The following ANO3 variants were observed in gnomAD, a reference collection of about 807,000 sequenced individuals.
ANO3 encodes the protein anoctamin-3.
ANO3 carries 99 observed loss-of-function variants against 144.8 expected under a neutral mutation model. The ratio of observed to expected loss-of-function variants is 0.68; its 90% CI spans 0.58 to 0.81. The LOEUF is 0.81. Among genes scored for constraint, ANO3 ranks in the 30% least tolerant of loss-of-function variants. ANO3 has a pLI of 0.00. For synonymous variants in ANO3, 414 were observed against 392.6 expected (o/e 1.05, Z -0.64); for missense variants, 905 against 1,202.2 (o/e 0.75, Z 3.66).
intron 4 of ANO3, among the ~76,000 whole-genome samples, chr11:26,488,776 A>T (rs1292555808): frequency 2.0e-5 from 3 of 152,178 alleles, no homozygotes; most frequent in Non-Finnish European, 1.5e-5. Context: ...AACATTTATC[A>T]TGAAGAGCAA....
chr11:26,559,993 C>G (rs191589382), intron 14 of ANO3: 3 of 407,638 alleles, frequency 7.4e-6, no homozygotes, highest in Non-Finnish European at 1.3e-5. Flanking sequence ...TCTCTAAAAC[C>G]TAGACTTTCC....
At chr11:26,189,589 A>T (rs1851436678) in intron 1 of ANO3, among the ~76,000 whole-genome samples, 1 of 152,214 alleles carries the variant, frequency 6.6e-6, no homozygotes, top group Non-Finnish European at 1.5e-5. Context: ...TAATGATGTA[A>T]TAGACTTTGT....
At chr11:26,212,213 A>C (rs938021805) in intron 1 of ANO3, among the ~76,000 whole-genome samples, 11 of 151,952 alleles carry the variant, frequency 7.2e-5, no homozygotes, top group African/African-American at 2.7e-4. Flanking sequence ...AAAAAAGTAT[A>C]TATTAAAAAA....
At chr11:26,365,075 A>T (rs1856030102) in intron 1 of ANO3, among the ~76,000 whole-genome samples, 4 of 152,250 alleles carry the variant, frequency 2.6e-5, no homozygotes, top group Admixed American at 2.6e-4. Flanking sequence ...TACCCATTCC[A>T]AAAAGAAGAA....
At chr11:26,224,946 G>A (rs17308852) in intron 1 of ANO3, among the ~76,000 whole-genome samples, 45,985 of 151,878 alleles carry the variant, frequency 0.3, 7,696 homozygotes, top group Non-Finnish European at 0.37. Context: ...TGGAGGGTAA[G>A]GCCTTTTTGC....
chr11:26,249,783 A>G (rs1471778654), intron 1 of ANO3, among the ~76,000 whole-genome samples: 1 of 152,066 alleles, frequency 6.6e-6, no homozygotes, highest in East Asian at 1.9e-4. Flanking sequence ...ACAAACAAAA[A>G]AGAAAGAAAG....
At chr11:26,354,439 T>G (rs546160497) in intron 1 of ANO3, among the ~76,000 whole-genome samples, 41 of 152,284 alleles carry the variant, frequency 2.7e-4, no homozygotes, top group African/African-American at 9.9e-4. Flanking sequence ...TTGTATGCAT[T>G]AAATATATCT....
In ANO3 at chr11:26,508,088, A is replaced by G. The variant is rs1861506965; in HGVS notation, c.433-16A>G. 6.4e-7 allele frequency: 1 copy of G among 1,569,568 alleles called. No individual in the cohort carries two copies. The highest frequency in any genetic ancestry group is 8.6e-7 in the Non-Finnish European group (1 of 1,165,706). On this transcript the variant is annotated splice_polypyrimidine_tract_variant and intron_variant, in intron 4 of 26. Coordinates refer to ENST00000256737, the MANE Select transcript of ANO3 (RefSeq NM_031418.4). Reference sequence around the variant, plus strand: ...TGTCTAACCCACACCATTAACAATCATTGCTTTATTTGCAGAATGACATGA... The same window carrying G: ...TGTCTAACCCACACCATTAACAATCGTTGCTTTATTTGCAGAATGACATGA...
At chr11:26,454,873 C>A (rs377558200) in intron 3 of ANO3, among the ~76,000 whole-genome samples, 1 of 150,614 alleles carries the variant, frequency 6.6e-6, no homozygotes, top group East Asian at 2.0e-4. Flanking sequence ...AGCTTATCCA[C>A]CATGATCAAG....
Position 26,372,411 on chromosome 11 carries a change from C to G in ANO3, c.46+40090C>G, listed in dbSNP as rs2133939740. On this transcript the variant is annotated intron_variant, in intron 1 of 26. Transcript: ENST00000256737. ...ATTACCAGCAGAGAATGGACTAATA[C>G]AATAACCTTTCTGTCCATTTCATAA... Among the ~76,000 whole-genome samples the G allele has an allele frequency of 2.6e-5, 4 of 152,264 alleles. No homozygotes were observed. In the South Asian group the frequency reaches 8.3e-4, roughly 32 times the overall value.
At chr11:26,253,125 G>C (rs1288245411) in intron 1 of ANO3, among the ~76,000 whole-genome samples, 1 of 152,128 alleles carries the variant, frequency 6.6e-6, no homozygotes, top group Non-Finnish European at 1.5e-5. Context: ...CACTGTATTA[G>C]GTGGAAGCCA....
upstream of ANO3, among the ~76,000 whole-genome samples, chr11:26,308,724 C>T (rs1258235892): frequency 6.6e-6 from 1 of 152,062 alleles, no homozygotes; most frequent in African/African-American, 2.4e-5. Context: ...ATGGTATCCA[C>T]CGTTAAGGAA....
intron 10 of ANO3, among the ~76,000 whole-genome samples, chr11:26,541,260 A>G (rs1849635869): frequency 6.6e-6 from 1 of 152,120 alleles, no homozygotes; most frequent in Non-Finnish European, 1.5e-5. Flanking sequence ...ATACGTGGAC[A>G]CAGGGAGGGG....
chr11:26,634,112 A>G, intron 18 of ANO3, 92 bp from the exon 19 acceptor site: 1 of 654,122 alleles, frequency 1.5e-6, no homozygotes, highest in Admixed American at 2.8e-5. Context: ...AATTAAAAAG[A>G]CAAACTTGAA....
intron 1 of ANO3, among the ~76,000 whole-genome samples, chr11:26,420,827 C>T (rs1287551886): frequency 6.6e-6 from 1 of 152,026 alleles, no homozygotes; most frequent in Admixed American, 6.6e-5. Context: ...TCTGAATTAA[C>T]CATCTGTATT....
intron 4 of ANO3, among the ~76,000 whole-genome samples, chr11:26,469,961 A>G (rs1859722725): frequency 6.6e-6 from 1 of 151,962 alleles, no homozygotes; most frequent in Non-Finnish European, 1.5e-5. Context: ...TTTAAACTAT[A>G]AGCTATCATT....
At chr11:26,615,414 A>ATATATTT (rs1352935016) in intron 17 of ANO3, among the ~76,000 whole-genome samples, 29 of 130,688 alleles carry the variant, frequency 2.2e-4, no homozygotes, top group Non-Finnish European at 3.8e-4. Flanking sequence ...ATATATATAT[A>ATATATTT]TTTTTTTTTT....
intron 1 of ANO3, among the ~76,000 whole-genome samples, chr11:26,222,789 C>A (rs928586788): frequency 1.3e-5 from 2 of 152,172 alleles, no homozygotes; most frequent in African/African-American, 4.8e-5. Context: ...GAGGCTAGAG[C>A]TGGAACATCC....
intron 1 of ANO3, among the ~76,000 whole-genome samples, chr11:26,370,505 T>C (rs2133937406): frequency 6.6e-6 from 1 of 150,896 alleles, no homozygotes; most frequent in African/African-American, 2.4e-5. Flanking sequence ...AATGTGGAGG[T>C]GACTTTGGAA....
Sources: gnomAD v4.1 joint callset for allele counts (sites outside exome capture counted in the v4.1 genomes callset) on GRCh38, gnomAD v4.1.1 for gene constraint, MANE v1.5 for transcripts, NCBI Gene and HGNC (gene_info 2026-07-23, HGNC 2026-07-21) for gene names.